The following WDR49 variants were observed in gnomAD, a reference collection of about 807,000 sequenced individuals.
WDR49 encodes the protein cilia- and flagella-associated protein 337.
WDR49 carries 107 observed loss-of-function variants against 119.5 expected under a neutral mutation model. That is an observed-to-expected ratio of 0.90 (90% confidence interval 0.77 to 1.05). WDR49 has a LOEUF of 1.05. WDR49 is among the 50% of genes least tolerant of loss of function. WDR49 has a pLI of 0.00. For synonymous variants in WDR49, 425 were observed against 418.8 expected (o/e 1.01, Z -0.18); for missense variants, 1,240 against 1,220.5 (o/e 1.02, Z -0.24).
chr3:167,566,461 A>G (rs1713604394), intron 8 of WDR49, among the ~76,000 whole-genome samples: 1 of 152,228 alleles, frequency 6.6e-6, no homozygotes, highest in African/African-American at 2.4e-5. Context: ...AAAGCAATGT[A>G]CAAAGCAGTT....
rs565377501 is a variant in WDR49, at chr3:167,537,529, T to A, written c.1824-529A>T. ...CTACAGCATCTTGAAGAACTACAAT[T>A]TGTGGAACATACTTGGAAAATGCCA... On this transcript the variant is annotated intron_variant, in intron 10 of 18. Transcript: ENST00000682715. 8.5e-5 allele frequency among the ~76,000 whole-genome samples: 13 copies of A among 152,302 alleles called. No homozygotes were observed. The South Asian group carries it at 2.7e-3, about 32-fold the overall frequency.
Position 167,529,148 on chromosome 3 carries a change from A to C in WDR49, c.2310T>G (p.His770Gln). The change falls in exon 14 of 19, where the codon CAT becomes CAG. Residue 770 changes from histidine to glutamine, a missense_variant. By Grantham distance (24) the His-to-Gln change is conservative. Coordinates refer to ENST00000682715, the MANE Select transcript of WDR49 (RefSeq NM_001366157.1). ...ACATAATAATCGATCCAACTCCACTATGAGCCAAAAATTCAGCCAGAAGTT... is the reference window on the plus strand; with the variant it reads ...ACATAATAATCGATCCAACTCCACTCTGAGCCAAAAATTCAGCCAGAAGTT... ...KKQLLAEFLA[H>Q]SGVGSIIMST... 1 of 1,612,322 alleles carries C rather than the reference A, an allele frequency of 6.2e-7. No individual in the cohort carries two copies. The highest frequency in any genetic ancestry group is 8.5e-7 in the Non-Finnish European group (1 of 1,179,286).
At chr3:167,588,344 A>G (rs764392421) in intron 7 of WDR49, among the ~76,000 whole-genome samples, 1 of 152,072 alleles carries the variant, frequency 6.6e-6, no homozygotes, top group Admixed American at 6.6e-5. Flanking sequence ...TTCTTAATCC[A>G]TTTATCTTTT....
At chr3:167,528,083 CTT>C (rs2108238904) in intron 14 of WDR49, 66 bp from the exon 15 acceptor site, 1 of 1,407,064 alleles carries the variant, frequency 7.1e-7, no homozygotes, top group Non-Finnish European at 9.7e-7. Flanking sequence ...TGACATAACA[CTT>C]TTAAAAAAAG....
intron 8 of WDR49, among the ~76,000 whole-genome samples, chr3:167,562,377 A>C (rs1713319169): frequency 6.6e-6 from 1 of 152,154 alleles, no homozygotes; most frequent in Admixed American, 6.5e-5. Flanking sequence ...CAGGGCCATG[A>C]TTTAGCAACA....
intron 3 of WDR49, among the ~76,000 whole-genome samples, chr3:167,625,314 T>C (rs1370458199): frequency 6.6e-6 from 1 of 151,996 alleles, no homozygotes; most frequent in Non-Finnish European, 1.5e-5. Context: ...CTAAAGAGGG[T>C]ACAATTTTTG....
At position 167,478,786 on chromosome 3, in the gene WDR49, A is replaced by C. The variant is rs1750573595; in HGVS notation, c.*92T>G. On this transcript the variant is annotated 3_prime_UTR_variant, in exon 19 of 19. Transcript: ENST00000682715. ...TGAAGAGAAAACTTCCTGAAGTTTA[A>C]ATATAAAATAAAATAAAAGGCAGAA... The C allele has an allele frequency of 1.2e-6, 1 of 865,142 alleles. No homozygotes were observed. 53.6% of individuals were successfully genotyped at this position (865,142 alleles called of 1,614,324 possible). A position where few individuals can be genotyped will look rare whatever the true frequency, so the allele number is the denominator to read the frequency against.
intron 5 of WDR49, among the ~76,000 whole-genome samples, chr3:167,612,982 T>C (rs139063980): frequency 1.1e-4 from 17 of 152,320 alleles, no homozygotes; most frequent in African/African-American, 4.1e-4. Context: ...TATTGTTTAA[T>C]AGCACAACAG....
At chr3:167,606,439 T>G (rs1716069511) in intron 5 of WDR49, among the ~76,000 whole-genome samples, 1 of 152,216 alleles carries the variant, frequency 6.6e-6, no homozygotes, top group African/African-American at 2.4e-5. Context: ...AAGTGGTTCT[T>G]AAAATTTCTA....
chr3:167,530,253 A>G (rs1172088381), intron 13 of WDR49, among the ~76,000 whole-genome samples: 1 of 152,138 alleles, frequency 6.6e-6, no homozygotes, highest in Non-Finnish European at 1.5e-5. Context: ...GAAACAATAA[A>G]CATAATTCAG....
chr3:167,588,537 C>A (rs1257179440), intron 7 of WDR49, among the ~76,000 whole-genome samples: 1 of 152,130 alleles, frequency 6.6e-6, no homozygotes, highest in Non-Finnish European at 1.5e-5. Context: ...TACCAATTTA[C>A]ATTCCTACCA....
At chr3:167,547,837 T>G (rs1712305112) in intron 10 of WDR49, among the ~76,000 whole-genome samples, 1 of 151,932 alleles carries the variant, frequency 6.6e-6, no homozygotes, top group Non-Finnish European at 1.5e-5. Flanking sequence ...AATTAAGATG[T>G]CAATGAAATA....
intron 10 of WDR49, among the ~76,000 whole-genome samples, chr3:167,547,936 C>A (rs750225743): frequency 1.3e-5 from 2 of 151,984 alleles, no homozygotes; most frequent in African/African-American, 4.8e-5. Flanking sequence ...TTGATAATCA[C>A]TTTTGACTCT....
At chr3:167,515,939 C>A (rs577686777) in intron 16 of WDR49, among the ~76,000 whole-genome samples, 1 of 152,012 alleles carries the variant, frequency 6.6e-6, no homozygotes, top group Non-Finnish European at 1.5e-5. Flanking sequence ...AGTGAAGAAC[C>A]CTCTTCAAGG....
At chr3:167,644,025 A>G (rs906062108) in intron 2 of WDR49, among the ~76,000 whole-genome samples, 15 of 151,390 alleles carry the variant, frequency 9.9e-5, no homozygotes, top group Admixed American at 2.6e-4. Context: ...AAATCACTCA[A>G]TAGAAAATGA....
intron 3 of WDR49, among the ~76,000 whole-genome samples, chr3:167,622,654 T>C (rs886675540): frequency 1.6e-4 from 25 of 152,044 alleles, no homozygotes; most frequent in African/African-American, 5.8e-4. Context: ...CAATGATGGA[T>C]ACAACAACTG....
chr3:167,521,997 GA>G lies in WDR49; in HGVS notation c.2774+317del, dbSNP rs1335954036. On this transcript the variant is annotated intron_variant, in intron 16 of 18. Transcript: ENST00000682715. ...AGATAGATAGATAGATAGATAGATA[GA>G]TAGATAGATAGATAGATAGATTGTT... 1.1e-3 allele frequency among the ~76,000 whole-genome samples: 162 copies of G among 145,878 alleles called. 1 individual carries two copies. The highest frequency in any genetic ancestry group is 4.6e-4 in the South Asian group (2 of 4,390).
At chr3:167,552,889 T>C (rs1712656716) in intron 10 of WDR49, among the ~76,000 whole-genome samples, 1 of 152,054 alleles carries the variant, frequency 6.6e-6, no homozygotes, top group Admixed American at 6.6e-5. Context: ...TTGGATAAAA[T>C]CTGAAGTAAA....
At chr3:167,548,746 G>A (rs1056410926) in intron 10 of WDR49, among the ~76,000 whole-genome samples, 1 of 152,006 alleles carries the variant, frequency 6.6e-6, no homozygotes, top group Admixed American at 6.6e-5. Context: ...ACAACGTGCA[G>A]GTTTGTTACA....
Sources: allele counts gnomAD v4.1 joint callset (sites outside exome capture counted in the v4.1 genomes callset), GRCh38; gene constraint gnomAD v4.1.1; transcripts MANE v1.5; gene names NCBI Gene and HGNC (gene_info 2026-07-23, HGNC 2026-07-21).